The following APOL2 variants were observed in gnomAD, a reference collection of about 807,000 sequenced individuals.
APOL2 encodes apolipoprotein L2, also known as apolipoprotein L, 2.
A neutral mutation model predicts 7.1 loss-of-function variants in APOL2; 8 were observed. That is an observed-to-expected ratio of 1.12 (90% CI 0.66 to 2.03). The LOEUF (loss-of-function observed/expected upper bound fraction) is 2.03. APOL2 is among the 30% of genes most tolerant of loss of function. The pLI is 0.00. For synonymous variants in APOL2, 177 were observed against 159.9 expected, an observed-to-expected ratio of 1.11 and a Z score of -0.81; for missense variants, 471 against 415.1, an observed-to-expected ratio of 1.13 and a Z score of -1.17.
chr22:36,233,881 T>G (rs2015314706), intron 1 of APOL2, among the ~76,000 whole-genome samples: 1 of 152,200 alleles, frequency 6.6e-6, no homozygotes, highest in Non-Finnish European at 1.5e-5. Flanking sequence ...TGCAAATCCC[T>G]GTCTCACACT....
At chr22:36,231,290 C>T (rs759593050) in intron 4 of APOL2, 50 bp downstream of exon 4, 9 of 1,601,676 alleles carry the variant, frequency 5.6e-6, no homozygotes, top group Non-Finnish European at 7.7e-6. Context: ...CAGGGGAGAT[C>T]TGAGTGGCAT....
Position 36,226,994 on chromosome 22 carries a change from C to A in APOL2, c.*410G>T. On this transcript the variant is annotated 3_prime_UTR_variant, in exon 5 of 5. Coordinates refer to ENST00000358502, the MANE Select transcript of APOL2 (RefSeq NM_030882.4). ...CTAACACTCAGTTCCATAAGCTTTA[C>A]CTTGCCCTCCTTATCCCCCTAATAA... The A allele has an allele frequency of 5.6e-6, 1 of 177,084 alleles. No homozygotes were observed. The highest frequency in any genetic ancestry group is 1.2e-5 in the Non-Finnish European group (1 of 83,294). 11.0% of individuals were successfully genotyped at this position (177,084 alleles called of 1,614,324 possible). A position where few individuals can be genotyped will look rare whatever the true frequency, so the allele number is the denominator to read the frequency against.
At chr22:36,228,694 G>A (rs1382396299) in intron 4 of APOL2, among the ~76,000 whole-genome samples, 2 of 152,168 alleles carry the variant, frequency 1.3e-5, no homozygotes, top group African/African-American at 4.8e-5. Flanking sequence ...CCAAAGAGAG[G>A]CCTTCCCTTT....
chr22:36,233,217 C>T lies in APOL2; in HGVS notation c.-55G>A, dbSNP rs1004296906. The T allele has an allele frequency of 1.4e-5, 23 of 1,613,918 alleles. No individual in the cohort carries two copies. Among genetic ancestry groups the T allele is most frequent in the Non-Finnish European group, 1.8e-5 (21 of 1,179,990 alleles). On this transcript the variant is annotated 5_prime_UTR_variant, in exon 3 of 5. Transcript: ENST00000358502. ...TTCCTTGGAGCTCTCCAGTCACTGT[C>T]CAGACTGGAAGGTTTTCCTTAACCC... is the stretch of plus-strand genomic sequence containing the variant.
In APOL2 at chr22:36,228,152, T is replaced by A. The variant is rs2015086673; in HGVS notation, c.266A>T (p.Lys89Ile). 1 of 1,614,128 alleles carries A rather than the reference T, an allele frequency of 6.2e-7. No individual in the cohort carries two copies. The highest frequency in any genetic ancestry group is 1.3e-5 in the African/African-American group (1 of 74,948). ...CCTTATGTGATCCTCAAGCTCCCTT[T>A]TCAACCGAGGAAACTCTTTCAAAAA... ...QWFLKEFPRLKRELEDHIRKL... is the reference protein window; with the variant it reads ...QWFLKEFPRLIRELEDHIRKL... The change falls in exon 5 of 5, where the codon AAA (lysine) becomes ATA (isoleucine). Residue 89 changes from lysine to isoleucine, a missense_variant. Physicochemically the swap from Lys to Ile is moderately radical, Grantham distance 102 (BLOSUM62 -3). Coordinates refer to ENST00000358502, the MANE Select transcript of APOL2 (RefSeq NM_030882.4).
intron 1 of APOL2, chr22:36,236,747 T>TTCCCACC: frequency 9.7e-7 from 1 of 1,033,746 alleles, no homozygotes; most frequent in African/African-American, 1.7e-5. Flanking sequence ...CTCTTTCCAC[T>TTCCCACC]TCCCACCTCT....
Position 36,226,459 on chromosome 22 carries a change from T to C in APOL2, c.*945A>G, listed in dbSNP as rs1425811107. ...TTGTGGCCATGGCCTACCACCTGCC[T>C]CTCAGGGTTCAAGCAGGGGACATGC... On this transcript the variant is annotated 3_prime_UTR_variant, in exon 5 of 5. Coordinates refer to ENST00000358502, the MANE Select transcript of APOL2 (RefSeq NM_030882.4). 1.3e-5 allele frequency: 2 copies of C among 152,234 alleles called. No homozygotes were observed. The highest frequency in any genetic ancestry group is 1.9e-4 in the East Asian group (1 of 5,192). The allele number at this position is 152,234 out of a possible 1,614,324, so 9.4% of individuals were successfully genotyped here.
upstream of APOL2, chr22:36,239,678 C>A: frequency 5.0e-6 from 3 of 605,296 alleles, no homozygotes; most frequent in Admixed American, 8.2e-5. Context: ...CTTGCTGCTG[C>A]ACTTAGAGGA....
At chr22:36,235,589 C>T (rs1247245414) in intron 1 of APOL2, among the ~76,000 whole-genome samples, 1 of 151,636 alleles carries the variant, frequency 6.6e-6, no homozygotes, top group Non-Finnish European at 1.5e-5. Context: ...TCTAGAGAGA[C>T]CATGTGAAAG....
intron 1 of APOL2, 49 bp from the exon 2 acceptor site, chr22:36,233,504 T>C: frequency 6.7e-7 from 1 of 1,493,168 alleles, no homozygotes; most frequent in Non-Finnish European, 9.1e-7. Flanking sequence ...AGCCATCTGA[T>C]CATTACAGAA....
At chr22:36,239,546 G>A (rs781461333), upstream of APOL2, 14 of 1,566,958 alleles carry the variant, frequency 8.9e-6, no homozygotes, top group East Asian at 1.6e-4. Context: ...ACGTCCTCCG[G>A]CCTCCCAGAT....
rs199667081 is a variant in APOL2, at chr22:36,227,918, C to T, written c.500G>A (p.Ser167Asn). Residue 167 changes from serine (S) to asparagine (N), a missense_variant, in exon 5 of 5, where the codon AGT becomes AAT. By Grantham distance (46) the Ser-to-Asn change is conservative. Transcript: ENST00000358502. ...AAAAVAGITC[S>N]VVELVNKLRA... ...CAATTTGTTTACTAGTTCTACCACA[C>T]TGCAGGTAATCCCAGCCACAGCAGC... 13 of 1,614,130 alleles carry T rather than the reference C, an allele frequency of 8.1e-6. No homozygotes were observed. The highest frequency in any genetic ancestry group is 1.6e-4 in the Middle Eastern group (1 of 6,084).
rs371802979 is a variant in APOL2, at chr22:36,227,704, C to G, written c.714G>C (p.Ala238=). 5.6e-6 allele frequency: 9 copies of G among 1,614,206 alleles called. No individual in the cohort carries two copies. Among genetic ancestry groups the G allele is most frequent in the South Asian group, 2.2e-5 (2 of 91,088 alleles). Residue 238 remains alanine (A), a synonymous_variant, in exon 5 of 5, where the codon GCG becomes GCC. Transcript: ENST00000358502. ...RRARANPQLG[A]YAPPPHVIGR... The stretch of plus-strand genomic sequence containing the variant: ...CAATGACATGCGGGGGTGGGGCATA[C>G]GCTCCTAACTGAGGGTTGGCTCTGG...
chr22:36,229,381 T>A (rs1053448308), intron 4 of APOL2, among the ~76,000 whole-genome samples: 8 of 152,016 alleles, frequency 5.3e-5, no homozygotes, highest in South Asian at 2.1e-4. Flanking sequence ...CAATCCTGAA[T>A]AAAGGCTTCA....
Position 36,227,542 on chromosome 22 carries a change from T to C in APOL2, c.876A>G (p.Ala292=). 6.2e-7 allele frequency: 1 copy of C among 1,614,228 alleles called. No individual in the cohort carries two copies. The highest frequency in any genetic ancestry group is 8.5e-7 in the Non-Finnish European group (1 of 1,180,042). ...CCTCAAGCAAGTGCTTTGACTCATA[T>C]GCAAGGCTGACCACATCCAGCAGAA... The part of the protein sequence containing the change: ...ILLLLDVVSL[A]YESKHLLEGA... Residue 292 remains alanine, a synonymous_variant, in exon 5 of 5, where the codon GCA becomes GCG. Transcript: ENST00000358502.
chr22:36,232,581 A>G (rs1000093192), intron 3 of APOL2, among the ~76,000 whole-genome samples: 3 of 152,154 alleles, frequency 2.0e-5, no homozygotes, highest in Middle Eastern at 3.4e-3. Flanking sequence ...ACGAGAGGGG[A>G]GGTAAGGAGC....
intron 1 of APOL2, among the ~76,000 whole-genome samples, chr22:36,234,670 T>C (rs1028552433): frequency 6.6e-6 from 1 of 152,238 alleles, no homozygotes; most frequent in South Asian, 2.1e-4. Flanking sequence ...ACTACAGCCA[T>C]AGTCAAGGCA....
At chr22:36,237,989 ACCCACCCAAAG>A (rs1387642403) in intron 1 of APOL2, among the ~76,000 whole-genome samples, 3 of 151,860 alleles carry the variant, frequency 2.0e-5, no homozygotes, top group African/African-American at 7.3e-5. Flanking sequence ...GTCCTCAGAG[ACCCACCCAAAG>A]CTGCCTGGTC....
chr22:36,238,568 T>C (rs2015490993), intron 1 of APOL2, among the ~76,000 whole-genome samples: 1 of 152,194 alleles, frequency 6.6e-6, no homozygotes, highest in South Asian at 2.1e-4. Context: ...AATCCAACAG[T>C]GTCCAGGTTT....
Sources: allele counts gnomAD v4.1 joint callset (sites outside exome capture counted in the v4.1 genomes callset), GRCh38; gene constraint gnomAD v4.1.1; transcripts MANE v1.5; gene names NCBI Gene and HGNC (gene_info 2026-07-23, HGNC 2026-07-21).